The following FMN1 variants were observed in gnomAD, a reference collection of about 807,000 sequenced individuals.
The protein encoded by FMN1 is formin-1.
A neutral mutation model predicts 132.4 loss-of-function variants in FMN1; 110 were observed. That is an observed-to-expected ratio of 0.83 (90% CI 0.71 to 0.97). FMN1 has a LOEUF of 0.97. Ranked by LOEUF, FMN1 falls within the 50% of genes least tolerant of loss-of-function variation. The probability of loss-of-function intolerance (pLI) is 0.00; values close to 1 mark genes in which losing one functional copy is unlikely to be tolerated. For synonymous variants in FMN1, 722 were observed against 651.7 expected (o/e 1.11, Z -1.64); for missense variants, 1,792 against 1,705.3 (o/e 1.05, Z -0.90).
intron 19 of FMN1, among the ~76,000 whole-genome samples, chr15:32,795,800 T>C (rs1354887028): frequency 6.6e-6 from 1 of 152,188 alleles, no homozygotes; most frequent in Non-Finnish European, 1.5e-5. Flanking sequence ...GCTTTTGGAT[T>C]TGTGCCTGGG....
intron 11 of FMN1, 62 bp downstream of exon 11, chr15:32,910,412 A>G: frequency 3.9e-6 from 5 of 1,297,370 alleles, no homozygotes; most frequent in Non-Finnish European, 5.5e-6. Flanking sequence ...TGAACAGCTC[A>G]GTCATTTCTC....
chr15:32,867,753 A>C (rs1197130572), intron 16 of FMN1, among the ~76,000 whole-genome samples: 1 of 152,128 alleles, frequency 6.6e-6, no homozygotes, highest in Non-Finnish European at 1.5e-5. Context: ...GGCCTCCCAA[A>C]GTGCTGGGAT....
intron 10 of FMN1, among the ~76,000 whole-genome samples, chr15:32,920,513 G>A (rs145123969): frequency 5.3e-4 from 81 of 152,240 alleles, no homozygotes; most frequent in African/African-American, 1.9e-3. Flanking sequence ...GAAATAAAGG[G>A]ATAAAGGTTA....
chr15:32,939,750 C>A (rs1486854223), intron 9 of FMN1, among the ~76,000 whole-genome samples: 1 of 152,222 alleles, frequency 6.6e-6, no homozygotes, highest in African/African-American at 2.4e-5. Context: ...TGAAAGAAAT[C>A]AAATTCAACG....
At chr15:32,781,280 T>C (rs986621744) in intron 19 of FMN1, among the ~76,000 whole-genome samples, 1 of 152,246 alleles carries the variant, frequency 6.6e-6, no homozygotes, top group African/African-American at 2.4e-5. Context: ...TCTTACTTAA[T>C]ATTAATCACA....
At chr15:33,077,001 G>A (rs1225434501) in intron 5 of FMN1, among the ~76,000 whole-genome samples, 1 of 152,182 alleles carries the variant, frequency 6.6e-6, no homozygotes, top group Non-Finnish European at 1.5e-5. Context: ...AAATTGCAAA[G>A]GAGAAGGTAA....
chr15:33,023,168 C>T (rs2035504015), intron 6 of FMN1, among the ~76,000 whole-genome samples: 1 of 149,946 alleles, frequency 6.7e-6, no homozygotes, highest in South Asian at 2.1e-4. Flanking sequence ...CTAGTGAACC[C>T]AATACGCTAT....
chr15:32,821,449 C>CTTTTTTTTT (rs34336647), intron 17 of FMN1, among the ~76,000 whole-genome samples: 4 of 110,824 alleles, frequency 3.6e-5, no homozygotes, highest in Middle Eastern at 5.3e-3. Context: ...ATATTTAAAT[C>CTTTTTTTTT]TTTTTTTTTT....
intron 9 of FMN1, among the ~76,000 whole-genome samples, chr15:32,963,419 G>A (rs980387498): frequency 5.9e-5 from 9 of 151,630 alleles, no homozygotes; most frequent in East Asian, 3.9e-4. Flanking sequence ...TGGGTGCAGC[G>A]CACCAGCATG....
chr15:32,820,229 T>A (rs2058173208), intron 17 of FMN1, among the ~76,000 whole-genome samples: 1 of 152,098 alleles, frequency 6.6e-6, no homozygotes, highest in Non-Finnish European at 1.5e-5. Context: ...ATCTAAAAAC[T>A]CCCTCTACTA....
At chr15:32,873,110 A>T (rs933693105) in intron 16 of FMN1, among the ~76,000 whole-genome samples, 1 of 152,208 alleles carries the variant, frequency 6.6e-6, no homozygotes, top group Non-Finnish European at 1.5e-5. Context: ...CAGACATTTA[A>T]AAAAATCCTA....
intron 4 of FMN1, among the ~76,000 whole-genome samples, chr15:33,123,808 T>C (rs1157682645): frequency 3.9e-5 from 6 of 152,274 alleles, no homozygotes; most frequent in African/African-American, 1.4e-4. Flanking sequence ...GTGGCAGAAA[T>C]CCAACTAAAC....
At chr15:32,845,714 A>G (rs1160913479) in intron 17 of FMN1, among the ~76,000 whole-genome samples, 1 of 152,208 alleles carries the variant, frequency 6.6e-6, no homozygotes, top group African/African-American at 2.4e-5. Context: ...GTTGAAGTCA[A>G]GTATAGCATG....
At chr15:33,005,401 C>A (rs1207376512) in intron 7 of FMN1, among the ~76,000 whole-genome samples, 7 of 152,130 alleles carry the variant, frequency 4.6e-5, no homozygotes. Flanking sequence ...TAGTTTGGAA[C>A]ATTTTTAATC....
chr15:32,987,922 C>T lies in FMN1; in HGVS notation c.2224-18445G>A, dbSNP rs750973284. 7.0e-4 allele frequency among the ~76,000 whole-genome samples: 107 copies of T among 152,072 alleles called. 1 individual carries two copies. The highest frequency in any genetic ancestry group is 1.1e-3 in the Non-Finnish European group (75 of 68,000). ...TTTTGGGTTTGCTATGCAAAATCCTCTAGCAACAGTCACAGTTTCTCAGTA... is the reference window on the plus strand; with the variant it reads ...TTTTGGGTTTGCTATGCAAAATCCTTTAGCAACAGTCACAGTTTCTCAGTA... On this transcript the variant is annotated intron_variant, in intron 7 of 20. Transcript: ENST00000616417.
chr15:33,149,764 T>G (rs1964370813), intron 4 of FMN1: 2 of 982,392 alleles, frequency 2.0e-6, no homozygotes, highest in Non-Finnish European at 2.4e-6. Flanking sequence ...TGGCTGCATA[T>G]GTCTATTAAT....
chr15:32,799,630 C>A (rs1317381175), intron 18 of FMN1, among the ~76,000 whole-genome samples: 1 of 152,160 alleles, frequency 6.6e-6, no homozygotes, highest in Non-Finnish European at 1.5e-5. Context: ...CATTTCTGAT[C>A]TTGGAAAAAT....
At chr15:32,856,971 A>C (rs374027347) in intron 17 of FMN1, 44 bp downstream of exon 17, 152 of 1,361,056 alleles carry the variant, frequency 1.1e-4, no homozygotes, top group Middle Eastern at 1.8e-4. Context: ...GGAATGAAGG[A>C]TGTTTCAGGG....
At chr15:32,856,759 C>T (rs2059141598) in intron 17 of FMN1, among the ~76,000 whole-genome samples, 1 of 152,120 alleles carries the variant, frequency 6.6e-6, no homozygotes, top group Admixed American at 6.5e-5. Context: ...AAAAGTTTGT[C>T]CTCAGAGAAT....
Sources: allele counts gnomAD v4.1 joint callset (sites outside exome capture counted in the v4.1 genomes callset), GRCh38; gene constraint gnomAD v4.1.1; transcripts MANE v1.5; gene names NCBI Gene and HGNC (gene_info 2026-07-23, HGNC 2026-07-21).